Variants in OLIG1 observed in about 807,000 individuals in gnomAD.
The protein encoded by OLIG1 is oligodendrocyte transcription factor 1.
A neutral mutation model predicts 13.5 loss-of-function variants in OLIG1; 9 were observed. The ratio of observed to expected loss-of-function variants is 0.67; its 90% confidence interval spans 0.40 to 1.17. The LOEUF (loss-of-function observed/expected upper bound fraction) is 1.17. Among genes scored for constraint, OLIG1 ranks in the 50% most tolerant of loss-of-function variants. OLIG1 has a pLI of 0.01. For missense variants in OLIG1, 362 were observed against 392.2 expected, an observed-to-expected ratio of 0.92 and a Z score of 0.65; for synonymous variants, 215 against 208.3, an observed-to-expected ratio of 1.03 and a Z score of -0.28.
In OLIG1 at chr21:33,070,805, C is replaced by A. The variant is rs1348052272; in HGVS notation, c.559C>A (p.Leu187Met). The A allele has an allele frequency of 1.0e-5, 12 of 1,184,080 alleles. No homozygotes were observed. The highest frequency in any genetic ancestry group is 1.3e-5 in the Non-Finnish European group (12 of 958,510). The allele number at this position is 1,184,080 out of a possible 1,614,324, so 73.3% of individuals were successfully genotyped here. ...CGCCGGGCCCGCCGCGCCGCGCCTG[C>A]TGCTGGCCGGGCTGCCCCTGCTCGC... ...EGAGPAAPRL[L>M]LAGLPLLAAA... Residue 187 changes from leucine (L) to methionine (M), a missense_variant, in exon 1 of 1, where the codon CTG (leucine) becomes ATG (methionine). By Grantham distance (15) the Leu-to-Met change is conservative. Coordinates refer to ENST00000382348, the MANE Select transcript of OLIG1 (RefSeq NM_138983.3). The surrounding 1 kb of genome is among the most constrained non-coding windows in gnomAD (Gnocchi z 5.9).
Position 33,070,891 on chromosome 21 carries a change from C to A in OLIG1, c.645C>A (p.Arg215=). The part of the protein sequence containing the change: ...PGAVGPPDAL[R]PAKYLSLALD... ...CCGTAGGACCCCCCGACGCGCTGCG[C>A]CCCGCCAAGTACCTGTCGCTGGCGC... Residue 215 remains arginine, a synonymous_variant, in exon 1 of 1, where the codon CGC becomes CGA. Coordinates refer to ENST00000382348, the MANE Select transcript of OLIG1 (RefSeq NM_138983.3). The surrounding 1 kb of genome is among the most constrained non-coding windows in gnomAD (Gnocchi z 5.9). 2 of 1,330,002 alleles carry A rather than the reference C, an allele frequency of 1.5e-6. No homozygotes were observed. Among genetic ancestry groups the A allele is most frequent in the Non-Finnish European group, 1.9e-6 (2 of 1,042,852 alleles). The allele number at this position is 1,330,002 out of a possible 1,614,324, so 82.4% of individuals were successfully genotyped here. A position where few individuals can be genotyped will look rare whatever the true frequency, so the allele number is the denominator to read the frequency against.
chr21:33,070,954 C>A lies in OLIG1; in HGVS notation c.708C>A (p.Gly236=). ...CGTGCGGCCAGTTCGCTCTCCCCGGCGGCGGCGCAGGCGGCCCCGGCCTCT... is the reference window on the plus strand; with the variant it reads ...CGTGCGGCCAGTTCGCTCTCCCCGGAGGCGGCGCAGGCGGCCCCGGCCTCT... ...EPPCGQFALP[G]GGAGGPGLCT... The change falls in exon 1 of 1, where the codon GGC becomes GGA. Residue 236 remains glycine, a synonymous_variant. Coordinates refer to ENST00000382348, the MANE Select transcript of OLIG1 (RefSeq NM_138983.3). The surrounding 1 kb of genome is among the most constrained non-coding windows in gnomAD (Gnocchi z 5.9). 6.8e-7 allele frequency: 1 copy of A among 1,461,020 alleles called. No individual in the cohort carries two copies. Among genetic ancestry groups the A allele is most frequent in the Non-Finnish European group, 9.0e-7 (1 of 1,113,358 alleles). The allele number at this position is 1,461,020 out of a possible 1,614,324, so 90.5% of individuals were successfully genotyped here.
At position 33,072,158 on chromosome 21, in the gene OLIG1, G is replaced by A. The variant is rs1982251428; in HGVS notation, c.*1096G>A. ...CCTCAGCGGGCCGGGCCCTTGACCAGCGCGGCCCGCAGGTCTTCCTTCTCG... is the reference window on the plus strand; with the variant it reads ...CCTCAGCGGGCCGGGCCCTTGACCAACGCGGCCCGCAGGTCTTCCTTCTCG... On this transcript the variant is annotated 3_prime_UTR_variant, in exon 1 of 1. Coordinates refer to ENST00000382348, the MANE Select transcript of OLIG1 (RefSeq NM_138983.3). The A allele has an allele frequency of 6.0e-6, 1 of 167,074 alleles. No individual in the cohort carries two copies. Among genetic ancestry groups the A allele is most frequent in the South Asian group, 2.1e-4 (1 of 4,836 alleles). 10.3% of individuals were successfully genotyped at this position (167,074 alleles called of 1,614,324 possible). A position where few individuals can be genotyped will look rare whatever the true frequency, so the allele number is the denominator to read the frequency against.
Position 33,070,762 on chromosome 21 carries a change from C to T in OLIG1, c.516C>T (p.Arg172=). 3 of 1,252,400 alleles carry T rather than the reference C, an allele frequency of 2.4e-6. No homozygotes were observed. Among genetic ancestry groups the T allele is most frequent in the Non-Finnish European group, 3.0e-6 (3 of 1,000,212 alleles). The allele number at this position is 1,252,400 out of a possible 1,614,324, so 77.6% of individuals were successfully genotyped here. A position where few individuals can be genotyped will look rare whatever the true frequency, so the allele number is the denominator to read the frequency against. Residue 172 remains arginine, a synonymous_variant, in exon 1 of 1, where the codon CGC becomes CGT. Transcript: ENST00000382348. This position sits in a 1 kb window ranked among gnomAD's most constrained non-coding sequence, Gnocchi z 5.9. The part of the protein sequence containing the change: ...LLLGSSLQEL[R]RALGEGAGPA... Reference sequence around the variant, plus strand: ...TGGGCAGCTCGCTGCAGGAGCTGCGCCGCGCGCTGGGCGAGGGCGCCGGGC... The same window carrying T: ...TGGGCAGCTCGCTGCAGGAGCTGCGTCGCGCGCTGGGCGAGGGCGCCGGGC...
At position 33,071,123 on chromosome 21, in the gene OLIG1, GC is replaced by G. The variant is rs1982217400; in HGVS notation, c.*65del. On this transcript the variant is annotated 3_prime_UTR_variant, in exon 1 of 1. Coordinates refer to ENST00000382348, the MANE Select transcript of OLIG1 (RefSeq NM_138983.3). This position sits in a 1 kb window ranked among gnomAD's most constrained non-coding sequence, Gnocchi z 6.0. Reference sequence around the variant, plus strand: ...GCCTCCCTTCGCTCAGCTTCTCCGCGCCCCTGCTCCCTGCGTCTGGGAGAGC... The same window carrying G: ...GCCTCCCTTCGCTCAGCTTCTCCGCGCCCTGCTCCCTGCGTCTGGGAGAGC... The G allele has an allele frequency of 7.4e-7, 1 of 1,360,028 alleles. No homozygotes were observed. The highest frequency in any genetic ancestry group is 9.6e-7 in the Non-Finnish European group (1 of 1,041,670). The allele number at this position is 1,360,028 out of a possible 1,614,324, so 84.2% of individuals were successfully genotyped here.
Position 33,072,130 on chromosome 21 carries a change from G to A in OLIG1, c.*1068G>A, listed in dbSNP as rs897432555. 1.2e-5 allele frequency: 2 copies of A among 167,074 alleles called. No homozygotes were observed. Among genetic ancestry groups the A allele is most frequent in the African/African-American group, 4.8e-5 (2 of 41,472 alleles). 10.3% of individuals were successfully genotyped at this position (167,074 alleles called of 1,614,324 possible). A position where few individuals can be genotyped will look rare whatever the true frequency, so the allele number is the denominator to read the frequency against. ...CGACGGCGGGAAGGCGCTTTCCGCTGTTCCTCAGCGGGCCGGGCCCTTGAC... is the reference window on the plus strand; with the variant it reads ...CGACGGCGGGAAGGCGCTTTCCGCTATTCCTCAGCGGGCCGGGCCCTTGAC... On this transcript the variant is annotated 3_prime_UTR_variant, in exon 1 of 1. Coordinates refer to ENST00000382348, the MANE Select transcript of OLIG1 (RefSeq NM_138983.3).
rs750942244 is a variant in OLIG1, at chr21:33,071,018, G to A, written c.772G>A (p.Ala258Thr). The A allele has an allele frequency of 6.0e-6, 9 of 1,503,294 alleles. No homozygotes were observed. The South Asian group carries it at 1.1e-4, about 18-fold the overall frequency. 93.1% of individuals were successfully genotyped at this position (1,503,294 alleles called of 1,614,324 possible). A position where few individuals can be genotyped will look rare whatever the true frequency, so the allele number is the denominator to read the frequency against. Residue 258 changes from alanine to threonine, a missense_variant, in exon 1 of 1, where the codon GCC becomes ACC. By Grantham distance (58) the Ala-to-Thr change is moderately conservative. This residue lies in a region of OLIG1 where 62 missense variants were observed against 49.1 expected (regional missense o/e 1.26). Coordinates refer to ENST00000382348, the MANE Select transcript of OLIG1 (RefSeq NM_138983.3). This position sits in a 1 kb window ranked among gnomAD's most constrained non-coding sequence, Gnocchi z 6.0. Reference protein sequence around the residue: ...AVCKFPHLVPASLGLAAVQAQ... With the variant: ...AVCKFPHLVPTSLGLAAVQAQ... ...GTGCAAGTTCCCGCACCTGGTCCCG[G>A]CCAGCCTGGGCCTGGCCGCCGTGCA...
chr21:33,070,146 C>T lies in OLIG1; in HGVS notation c.-101C>T. ...AGGGCGCGGGCCAGGGCCCCACCATCGTTTCCCCGCGCGCAGGTCCGCGGG... is the reference window on the plus strand; with the variant it reads ...AGGGCGCGGGCCAGGGCCCCACCATTGTTTCCCCGCGCGCAGGTCCGCGGG... On this transcript the variant is annotated 5_prime_UTR_variant, in exon 1 of 1. Coordinates refer to ENST00000382348, the MANE Select transcript of OLIG1 (RefSeq NM_138983.3). The surrounding 1 kb of genome is among the most constrained non-coding windows in gnomAD (Gnocchi z 5.9). The T allele has an allele frequency of 7.2e-7, 1 of 1,397,422 alleles. No homozygotes were observed. Among genetic ancestry groups the T allele is most frequent in the East Asian group, 3.0e-5 (1 of 33,098 alleles). The allele number at this position is 1,397,422 out of a possible 1,614,324, so 86.6% of individuals were successfully genotyped here. A position where few individuals can be genotyped will look rare whatever the true frequency, so the allele number is the denominator to read the frequency against.
rs867532153 is a variant in OLIG1 at position 33,070,257 on chromosome 21, C to G, written c.11C>G (p.Ala4Gly). ...CCCACCGCCTCCCAGATGTACTATG[C>G]GGTTTCCCAGGCGCGCGTGAACGCG... The part of the protein sequence containing the change: MYY[A>G]VSQARVNAVP... The change falls in exon 1 of 1, where the codon GCG (alanine) becomes GGG (glycine). Residue 4 changes from alanine (A) to glycine (G), a missense_variant. This residue lies in a region of OLIG1 where 206 missense variants were observed against 197.2 expected (regional missense o/e 1.04). Coordinates refer to ENST00000382348, the MANE Select transcript of OLIG1 (RefSeq NM_138983.3). The surrounding 1 kb of genome is among the most constrained non-coding windows in gnomAD (Gnocchi z 5.9). 1 of 1,540,446 alleles carries G rather than the reference C, an allele frequency of 6.5e-7. No homozygotes were observed. Among genetic ancestry groups the G allele is most frequent in the South Asian group, 1.2e-5 (1 of 83,178 alleles).
rs1982238130 is a variant in OLIG1, at chr21:33,071,739, G to A, written c.*677G>A. ...GGGCGAGGACAACGCAGGGTGCGCT[G>A]GGTTGGGACGTGGGTCCACTTTTGT... On this transcript the variant is annotated 3_prime_UTR_variant, in exon 1 of 1. Coordinates refer to ENST00000382348, the MANE Select transcript of OLIG1 (RefSeq NM_138983.3). This position sits in a 1 kb window ranked among gnomAD's most constrained non-coding sequence, Gnocchi z 6.0. 1 of 167,124 alleles carries A rather than the reference G, an allele frequency of 6.0e-6. No homozygotes were observed. The highest frequency in any genetic ancestry group is 2.1e-4 in the South Asian group (1 of 4,836). 10.4% of individuals were successfully genotyped at this position (167,124 alleles called of 1,614,324 possible). A position where few individuals can be genotyped will look rare whatever the true frequency, so the allele number is the denominator to read the frequency against.
rs1982248040 is a variant in OLIG1, at chr21:33,072,063, G to T, written c.*1001G>T. The T allele has an allele frequency of 6.0e-6, 1 of 167,110 alleles. No individual in the cohort carries two copies. The highest frequency in any genetic ancestry group is 1.5e-5 in the Non-Finnish European group (1 of 68,122). 10.4% of individuals were successfully genotyped at this position (167,110 alleles called of 1,614,324 possible). On this transcript the variant is annotated 3_prime_UTR_variant, in exon 1 of 1. Coordinates refer to ENST00000382348, the MANE Select transcript of OLIG1 (RefSeq NM_138983.3). ...TCATTAACACGCAGGAGTACCGGGA[G>T]CCCTGAACCGCCCGCTGCTCGGCGG...
Position 33,070,315 on chromosome 21 carries a change from C to T in OLIG1, c.69C>T (p.Pro23=), listed in dbSNP as rs1014800611. The part of the protein sequence containing the change: ...VPGTMLRPQR[P]GDLQLGASLY... ...GGACCATGCTGCGGCCACAGCGGCC[C>T]GGAGACTTGCAGCTCGGGGCCTCCC... Residue 23 remains proline, a synonymous_variant, in exon 1 of 1, where the codon CCC becomes CCT. Transcript: ENST00000382348. This position sits in a 1 kb window ranked among gnomAD's most constrained non-coding sequence, Gnocchi z 5.9. The T allele has an allele frequency of 3.2e-6, 5 of 1,547,094 alleles. No homozygotes were observed. The highest frequency in any genetic ancestry group is 2.0e-5 in the Admixed American group (1 of 50,864).
Position 33,072,034 on chromosome 21 carries a change from G to T in OLIG1, c.*972G>T, listed in dbSNP as rs568563980. The T allele has an allele frequency of 6.0e-6, 1 of 167,170 alleles. No individual in the cohort carries two copies. The highest frequency in any genetic ancestry group is 6.5e-5 in the Admixed American group (1 of 15,306). The allele number at this position is 167,170 out of a possible 1,614,324, so 10.4% of individuals were successfully genotyped here. A position where few individuals can be genotyped will look rare whatever the true frequency, so the allele number is the denominator to read the frequency against. On this transcript the variant is annotated 3_prime_UTR_variant, in exon 1 of 1. Coordinates refer to ENST00000382348, the MANE Select transcript of OLIG1 (RefSeq NM_138983.3). ...CGTCCTGTCAAGAGCGCTAATGAAC[G>T]TTCTCATTAACACGCAGGAGTACCG...
chr21:33,070,674 C>A lies in OLIG1; in HGVS notation c.428C>A (p.Ala143Glu). Residue 143 changes from alanine to glutamate, a missense_variant, in exon 1 of 1, where the codon GCG (alanine) becomes GAG (glutamate). Ala to Glu is a moderately radical substitution (Grantham distance 107). Around this residue, in one of 3 missense-constraint regions of OLIG1, gnomAD observed 94 missense variants for 146.0 expected, o/e 0.64. Coordinates refer to ENST00000382348, the MANE Select transcript of OLIG1 (RefSeq NM_138983.3). This position sits in a 1 kb window ranked among gnomAD's most constrained non-coding sequence, Gnocchi z 5.9. ...TACTCAGCGGCGCACTGCCAGGGCG[C>A]GCCCGGCCGCAAGCTCTCCAAGATA... ...LPYSAAHCQG[A>E]PGRKLSKIAT... is the part of the protein sequence containing the mutation. 6.5e-7 allele frequency: 1 copy of A among 1,547,438 alleles called. No individual in the cohort carries two copies. The highest frequency in any genetic ancestry group is 8.7e-7 in the Non-Finnish European group (1 of 1,153,586).
In OLIG1 at chr21:33,070,149, T is replaced by C; in HGVS notation, c.-98T>C. 1.4e-6 allele frequency: 2 copies of C among 1,396,878 alleles called. No homozygotes were observed. The highest frequency in any genetic ancestry group is 1.5e-5 in the African/African-American group (1 of 65,486). The allele number at this position is 1,396,878 out of a possible 1,614,324, so 86.5% of individuals were successfully genotyped here. On this transcript the variant is annotated 5_prime_UTR_variant, in exon 1 of 1. Coordinates refer to ENST00000382348, the MANE Select transcript of OLIG1 (RefSeq NM_138983.3). This position sits in a 1 kb window ranked among gnomAD's most constrained non-coding sequence, Gnocchi z 5.9. ...GCGCGGGCCAGGGCCCCACCATCGT[T>C]TCCCCGCGCGCAGGTCCGCGGGGAG...
At position 33,070,464 on chromosome 21, in the gene OLIG1, CGGA is replaced by C; in HGVS notation, c.221_223del (p.Glu74del). The stretch of plus-strand genomic sequence containing the variant: ...CTCCCCAAGGCTGCGCGCGAGAAGC[CGGA>C]GGCGCCGGCCGAGCCTCCAGGCCCC... On this transcript the variant is annotated inframe_deletion, in exon 1 of 1. Coordinates refer to ENST00000382348, the MANE Select transcript of OLIG1 (RefSeq NM_138983.3). This position sits in a 1 kb window ranked among gnomAD's most constrained non-coding sequence, Gnocchi z 5.9. 6.6e-7 allele frequency: 1 copy of C among 1,526,394 alleles called. No homozygotes were observed. Among genetic ancestry groups the C allele is most frequent in the Non-Finnish European group, 8.8e-7 (1 of 1,141,234 alleles). 94.6% of individuals were successfully genotyped at this position (1,526,394 alleles called of 1,614,324 possible).
chr21:33,070,656 C>T lies in OLIG1; in HGVS notation c.410C>T (p.Ala137Val). The T allele has an allele frequency of 1.3e-6, 2 of 1,556,168 alleles. No homozygotes were observed. The highest frequency in any genetic ancestry group is 8.6e-7 in the Non-Finnish European group (1 of 1,157,788). The stretch of plus-strand genomic sequence containing the variant: ...CGCGAGGTCATCCTGCCCTACTCAG[C>T]GGCGCACTGCCAGGGCGCGCCCGGC... ...ALREVILPYS[A>V]AHCQGAPGRK... The change falls in exon 1 of 1, where the codon GCG (alanine) becomes GTG (valine). Residue 137 changes from alanine to valine, a missense_variant. Around this residue, in one of 3 missense-constraint regions of OLIG1, gnomAD observed 206 missense variants for 197.2 expected, o/e 1.04. Coordinates refer to ENST00000382348, the MANE Select transcript of OLIG1 (RefSeq NM_138983.3). The surrounding 1 kb of genome is among the most constrained non-coding windows in gnomAD (Gnocchi z 5.9).
chr21:33,070,335 C>T lies in OLIG1; in HGVS notation c.89C>T (p.Ala30Val). Residue 30 changes from alanine (A) to valine (V), a missense_variant, in exon 1 of 1, where the codon GCC becomes GTC. Coordinates refer to ENST00000382348, the MANE Select transcript of OLIG1 (RefSeq NM_138983.3). The surrounding 1 kb of genome is among the most constrained non-coding windows in gnomAD (Gnocchi z 5.9). ...PQRPGDLQLG[A>V]SLYELVGYRQ... ...CGGCCCGGAGACTTGCAGCTCGGGG[C>T]CTCCCTCTACGAGCTGGTGGGCTAC... The T allele has an allele frequency of 6.5e-7, 1 of 1,547,352 alleles. No individual in the cohort carries two copies. Among genetic ancestry groups the T allele is most frequent in the Non-Finnish European group, 8.7e-7 (1 of 1,145,892 alleles).
At position 33,071,445 on chromosome 21, in the gene OLIG1, C is replaced by G. The variant is rs574920842; in HGVS notation, c.*383C>G. 5.8e-6 allele frequency: 1 copy of G among 171,574 alleles called. No individual in the cohort carries two copies. Among genetic ancestry groups the G allele is most frequent in the East Asian group, 1.8e-4 (1 of 5,496 alleles). 10.6% of individuals were successfully genotyped at this position (171,574 alleles called of 1,614,324 possible). Reference sequence around the variant, plus strand: ...CCCGGGTGCAGCGAGAGGCCATCCCCGAGCGCTACCTCCCCGGAGCGGAGC... The same window carrying G: ...CCCGGGTGCAGCGAGAGGCCATCCCGGAGCGCTACCTCCCCGGAGCGGAGC... On this transcript the variant is annotated 3_prime_UTR_variant, in exon 1 of 1. Transcript: ENST00000382348. This position sits in a 1 kb window ranked among gnomAD's most constrained non-coding sequence, Gnocchi z 6.0.
Sources: allele counts gnomAD v4.1 joint callset, GRCh38; gene constraint gnomAD v4.1.1; regional missense constraint gnomAD v4.1.1; non-coding constraint Gnocchi (gnomAD v3.1); transcripts MANE v1.5; gene names NCBI Gene and HGNC (gene_info 2026-07-23, HGNC 2026-07-21).